The following CCDC7 variants were observed in gnomAD, a reference collection of about 807,000 sequenced individuals.
CCDC7 encodes the protein coiled-coil domain containing 7.
Under a neutral mutation model 196.9 loss-of-function variants are expected in CCDC7, and 183 were observed. The ratio of observed to expected loss-of-function variants is 0.93; its 90% CI spans 0.82 to 1.05. CCDC7 has a LOEUF of 1.05. CCDC7 is among the 50% of genes least tolerant of loss of function. The probability of loss-of-function intolerance (pLI) is 0.00; values close to 1 mark genes in which losing one functional copy is unlikely to be tolerated. For missense variants in CCDC7, 1,540 were observed against 1,482.2 expected (o/e 1.04, Z -0.64); for synonymous variants, 525 against 484.6 (o/e 1.08, Z -1.10).
intron 13 of CCDC7, among the ~76,000 whole-genome samples, chr10:32,556,529 C>T (rs901701103): frequency 6.6e-6 from 1 of 152,018 alleles, no homozygotes; most frequent in Non-Finnish European, 1.5e-5. Flanking sequence ...CCTTTTATCC[C>T]GCTGAGACTC....
At chr10:32,666,531 C>G (rs566046079) in intron 21 of CCDC7, among the ~76,000 whole-genome samples, 1 of 134,690 alleles carries the variant, frequency 7.4e-6, no homozygotes, top group East Asian at 2.3e-4. Context: ...CCCCCCTCCC[C>G]CCACCCCATG....
chr10:32,589,471 G>T (rs1002012581), intron 18 of CCDC7, among the ~76,000 whole-genome samples: 20 of 152,036 alleles, frequency 1.3e-4, no homozygotes, highest in African/African-American at 4.8e-4. Flanking sequence ...TTGTTTTGTG[G>T]CCTAACAAAT....
At chr10:32,471,745 T>C (rs2037999381) in intron 6 of CCDC7, among the ~76,000 whole-genome samples, 1 of 152,158 alleles carries the variant, frequency 6.6e-6, no homozygotes. Context: ...TGTGTTAAAA[T>C]AGAATATACA....
chr10:32,759,187 C>T (rs1001160790), intron 28 of CCDC7, among the ~76,000 whole-genome samples: 8 of 152,152 alleles, frequency 5.3e-5, no homozygotes, highest in African/African-American at 1.7e-4. Context: ...TTTATAGATT[C>T]AATGCCATCC....
At chr10:32,703,417 A>T (rs1483079792) in intron 24 of CCDC7, among the ~76,000 whole-genome samples, 1 of 151,986 alleles carries the variant, frequency 6.6e-6, no homozygotes, top group Non-Finnish European at 1.5e-5. Flanking sequence ...TTTGTGGGTA[A>T]CGCGACATTT....
chr10:32,560,695 T>C (rs868262951), intron 13 of CCDC7, among the ~76,000 whole-genome samples: 557 of 152,174 alleles, frequency 3.7e-3, no homozygotes, highest in African/African-American at 0.013. Flanking sequence ...AAGGAACAAC[T>C]GGTACCAGCC....
At chr10:32,828,485 G>GA (rs1491309680) in intron 32 of CCDC7, among the ~76,000 whole-genome samples, 9 of 49,750 alleles carry the variant, frequency 1.8e-4, no homozygotes, top group African/African-American at 5.6e-4. Context: ...AAGAGGAAGA[G>GA]GAAGAAGAAG....
intron 14 of CCDC7, among the ~76,000 whole-genome samples, chr10:32,567,441 T>C (rs1389853995): frequency 6.6e-6 from 1 of 152,056 alleles, no homozygotes; most frequent in African/African-American, 2.4e-5. Context: ...AACTCCTGGG[T>C]ATAAAAATAG....
At chr10:32,571,555 C>T (rs1277855051) in intron 15 of CCDC7, among the ~76,000 whole-genome samples, 1 of 152,084 alleles carries the variant, frequency 6.6e-6, no homozygotes, top group Admixed American at 6.6e-5. Context: ...CAGCTATTTT[C>T]TTGTACTCTG....
At chr10:32,854,550 C>A in intron 41 of CCDC7, 61 bp downstream of exon 42, 1 of 1,070,292 alleles carries the variant, frequency 9.3e-7, no homozygotes, top group South Asian at 1.5e-5. Context: ...TTCTCATCGT[C>A]TCTATTTACC....
chr10:32,682,048 G>T (rs1254029324), intron 21 of CCDC7, among the ~76,000 whole-genome samples: 1 of 152,006 alleles, frequency 6.6e-6, no homozygotes, highest in Non-Finnish European at 1.5e-5. Context: ...GGTTCAAGTG[G>T]TACACTTGCA....
chr10:32,849,062 G>A (rs556003795), intron 39 of CCDC7, among the ~76,000 whole-genome samples: 43 of 150,592 alleles, frequency 2.9e-4, no homozygotes, highest in Admixed American at 2.1e-3. Flanking sequence ...GCAATCTTTA[G>A]GGAAAATTCT....
At chr10:32,697,195 G>A (rs930835143) in intron 24 of CCDC7, among the ~76,000 whole-genome samples, 1 of 152,118 alleles carries the variant, frequency 6.6e-6, no homozygotes, top group Non-Finnish European at 1.5e-5. Context: ...CATAAAGAAC[G>A]CACAACCTGG....
intron 3 of CCDC7, among the ~76,000 whole-genome samples, chr10:32,456,838 T>G (rs2034455298): frequency 6.6e-6 from 1 of 152,094 alleles, no homozygotes; most frequent in Admixed American, 6.6e-5. Flanking sequence ...TAGAATACAC[T>G]TAATTTATTG....
intron 24 of CCDC7, among the ~76,000 whole-genome samples, chr10:32,703,050 CT>C (rs2079034094): frequency 6.6e-6 from 1 of 152,136 alleles, no homozygotes. Flanking sequence ...GAATTTGATC[CT>C]GTCATTATGA....
chr10:32,879,567 T>C (rs1335553588), downstream of CCDC7, among the ~76,000 whole-genome samples: 7 of 152,094 alleles, frequency 4.6e-5, 1 homozygote, highest in Non-Finnish European at 1.0e-4. Flanking sequence ...ATTGTCTCCT[T>C]TGAGTTCCTC....
intron 21 of CCDC7, among the ~76,000 whole-genome samples, chr10:32,680,115 A>T (rs1179520559): frequency 6.6e-6 from 1 of 152,204 alleles, no homozygotes. Flanking sequence ...ATATAATCTC[A>T]AGGAGACTTT....
At chr10:32,866,832 A>T (rs565950409) in intron 41 of CCDC7, among the ~76,000 whole-genome samples, 1 of 151,850 alleles carries the variant, frequency 6.6e-6, no homozygotes, top group East Asian at 1.9e-4. Context: ...AAGTAAAAAA[A>T]GTACTTTACA....
In CCDC7 at chr10:32,751,422, T is replaced by G. The variant is rs565700676; in HGVS notation, c.2905+21965T>G. On this transcript the variant is annotated intron_variant, in intron 28 of 41. Transcript: ENST00000639629. ...AAGATGGCAGTCTCAGCTTCTAGTT[T>G]ATTGGAAGCATGAATATTTGGTGGG... Among the ~76,000 whole-genome samples, 7 of 152,200 alleles carry G rather than the reference T, an allele frequency of 4.6e-5. No homozygotes were observed. The South Asian group carries it at 1.5e-3, about 32-fold the overall frequency.
Sources: allele counts gnomAD v4.1 joint callset (sites outside exome capture counted in the v4.1 genomes callset), GRCh38; gene constraint gnomAD v4.1.1; transcripts MANE v1.5; gene names NCBI Gene and HGNC (gene_info 2026-07-23, HGNC 2026-07-21).